MICAL2: variants seen among roughly 807,000 people sequenced by gnomAD.
MICAL2 encodes the protein microtubule associated monooxygenase, calponin and LIM domain containing 2, also known as [F-actin]-monooxygenase MICAL2.
Under a neutral mutation model 127.3 loss-of-function variants are expected in MICAL2, and 77 were observed. The ratio of observed to expected loss-of-function variants is 0.60; its 90% CI spans 0.50 to 0.73. The LOEUF (loss-of-function observed/expected upper bound fraction) is 0.73. MICAL2 is among the 30% of genes least tolerant of loss of function. MICAL2 has a pLI of 0.00. For synonymous variants in MICAL2, 570 were observed against 551.1 expected (o/e 1.03, Z -0.48); for missense variants, 1,351 against 1,434.4 (o/e 0.94, Z 0.94).
At chr11:12,334,938 C>A (rs1476590775) in intron 32 of MICAL2, among the ~76,000 whole-genome samples, 1 of 152,084 alleles carries the variant, frequency 6.6e-6, no homozygotes, top group African/African-American at 2.4e-5. Context: ...TTTATAGCAG[C>A]ATGACTTATA....
intron 34 of MICAL2, chr11:12,354,888 TC>T (rs755118515): frequency 1.3e-6 from 2 of 1,598,414 alleles, no homozygotes; most frequent in East Asian, 2.2e-5. Context: ...GTTGAGAACT[TC>T]CCCCTAGAAA....
At chr11:12,194,166 G>T (rs781318021) in intron 3 of MICAL2, among the ~76,000 whole-genome samples, 1 of 152,150 alleles carries the variant, frequency 6.6e-6, no homozygotes, top group South Asian at 2.1e-4. Flanking sequence ...GAGTTCTCTG[G>T]GCTAGGAAAG....
chr11:12,273,438 C>A (rs1565289961), upstream of MICAL2, among the ~76,000 whole-genome samples: 2 of 152,122 alleles, frequency 1.3e-5, no homozygotes, highest in African/African-American at 4.8e-5. Context: ...TGCCTTCCAT[C>A]CCCAGTTACA....
chr11:12,314,967 T>C lies in MICAL2; in HGVS notation c.5213-4729T>C, dbSNP rs78334580. The stretch of plus-strand genomic sequence containing the variant: ...TTCTTCATCTTTTTCTGCATCACAA[T>C]ACTTTCATCTTAGATTGGTTTTCTT... On this transcript the variant is annotated intron_variant, in intron 29 of 34. Coordinates refer to the MICAL2 transcript ENST00000646065. 3.9e-3 allele frequency among the ~76,000 whole-genome samples: 598 copies of C among 152,282 alleles called. 3 individuals are homozygous for C. The highest frequency in any genetic ancestry group is 0.013 in the African/African-American group (541 of 41,548).
chr11:12,230,638 G>T (rs563322649), intron 15 of MICAL2, among the ~76,000 whole-genome samples: 2 of 152,264 alleles, frequency 1.3e-5, no homozygotes, highest in South Asian at 4.1e-4. Context: ...ATCTGAAGAG[G>T]ATCTGCTGGT....
rs1282744182 is a variant in MICAL2 at position 12,123,915 on chromosome 11, A to G, written c.-149+13189A>G. ...ATTGTATTTATGGTATGAGGACAGCAGAAGAAGGGAGCTATCACCTCCAGT... is the reference window on the plus strand; with the variant it reads ...ATTGTATTTATGGTATGAGGACAGCGGAAGAAGGGAGCTATCACCTCCAGT... On this transcript the variant is annotated intron_variant, in intron 1 of 27. Transcript: ENST00000683283. Among the ~76,000 whole-genome samples, 3 of 152,220 alleles carry G rather than the reference A, an allele frequency of 2.0e-5. 1 individual carries two copies. Among genetic ancestry groups the G allele is most frequent in the Non-Finnish European group, 4.4e-5 (3 of 68,038 alleles).
chr11:12,200,304 G>C (rs1239309825), intron 3 of MICAL2, among the ~76,000 whole-genome samples: 1 of 152,162 alleles, frequency 6.6e-6, no homozygotes, highest in African/African-American at 2.4e-5. Flanking sequence ...TTCCTTCCTT[G>C]GACATAAGGC....
chr11:12,136,685 A>G (rs558876672), intron 1 of MICAL2, among the ~76,000 whole-genome samples: 1 of 152,164 alleles, frequency 6.6e-6, no homozygotes, highest in South Asian at 2.1e-4. Context: ...TTGGTGTTAC[A>G]GGGAGCTCAA....
At chr11:12,158,502 GAA>G (rs5789716) in intron 2 of MICAL2, among the ~76,000 whole-genome samples, 22,310 of 148,544 alleles carry the variant, frequency 0.15, 3,213 homozygotes, top group African/African-American at 0.38. Flanking sequence ...AAATATTCAG[GAA>G]AAAAAAAAAA....
chr11:12,211,709 A>G (rs1489966226), intron 6 of MICAL2, among the ~76,000 whole-genome samples: 2 of 152,170 alleles, frequency 1.3e-5, no homozygotes, highest in African/African-American at 4.8e-5. Flanking sequence ...GGAAAGTACC[A>G]AGTTCAAGAG....
Position 12,208,037 on chromosome 11 carries a change from C to G in MICAL2, c.487C>G (p.Gln163Glu). 1 of 1,614,114 alleles carries G rather than the reference C, an allele frequency of 6.2e-7. No homozygotes were observed. The highest frequency in any genetic ancestry group is 2.2e-5 in the East Asian group (1 of 44,884). ...SIDHISIRQL[Q>E]LILFKVALML... ...CTGCCTGACAGGTATTCGCCAACTA[C>G]AGCTCATCCTATTCAAGGTGGCCCT... is the stretch of plus-strand genomic sequence containing the variant. Residue 163 changes from glutamine (Q) to glutamate (E), a missense_variant, in exon 5 of 28, where the codon CAG becomes GAG. Transcript: ENST00000683283.
intron 27 of MICAL2, chr11:12,263,217 G>A (rs1230530106): frequency 6.6e-6 from 1 of 152,190 alleles, no homozygotes; most frequent in Non-Finnish European, 1.5e-5. Context: ...GCTTCAATTA[G>A]AGCCATCATC....
chr11:12,217,800 C>A (rs1002630807), intron 8 of MICAL2, among the ~76,000 whole-genome samples: 4 of 152,120 alleles, frequency 2.6e-5, no homozygotes, highest in African/African-American at 9.7e-5. Context: ...CCTTCAGAGG[C>A]CCCTGGGAGC....
At chr11:12,355,515 T>C (rs1419437444) in intron 34 of MICAL2, among the ~76,000 whole-genome samples, 2 of 152,236 alleles carry the variant, frequency 1.3e-5, no homozygotes, top group Non-Finnish European at 2.9e-5. Context: ...GCCAGATCGA[T>C]GCATGACCTT....
intron 22 of MICAL2, among the ~76,000 whole-genome samples, 188 bp downstream of exon 22, chr11:12,249,434 C>T (rs1463354152): frequency 6.6e-6 from 1 of 152,242 alleles, no homozygotes; most frequent in Non-Finnish European, 1.5e-5. Context: ...GCCTGCGTCT[C>T]AGCTCTGAAC....
At chr11:12,138,810 T>A (rs1852073289) in intron 2 of MICAL2, among the ~76,000 whole-genome samples, 1 of 152,090 alleles carries the variant, frequency 6.6e-6, no homozygotes, top group African/African-American at 2.4e-5. Flanking sequence ...GTTTGTGGAC[T>A]CAAGGAGTCT....
intron 3 of MICAL2, among the ~76,000 whole-genome samples, chr11:12,199,806 T>C (rs1043390596): frequency 3.9e-5 from 6 of 152,164 alleles, no homozygotes; most frequent in Non-Finnish European, 8.8e-5. Flanking sequence ...TGTGCTAACG[T>C]GGAGGCCTGA....
chr11:12,342,360 C>T (rs781459690), intron 32 of MICAL2, among the ~76,000 whole-genome samples: 6 of 152,168 alleles, frequency 3.9e-5, no homozygotes, highest in African/African-American at 1.4e-4. Context: ...CCAAGAAGTG[C>T]GGATGATCTA....
chr11:12,186,833 C>T (rs1858359282), intron 3 of MICAL2, among the ~76,000 whole-genome samples: 2 of 152,296 alleles, frequency 1.3e-5, no homozygotes, highest in Admixed American at 6.5e-5. Context: ...CAGATGCTGC[C>T]AGCTCAGAGG....
Sources: gnomAD v4.1 joint callset for allele counts (sites outside exome capture counted in the v4.1 genomes callset) on GRCh38, gnomAD v4.1.1 for gene constraint, MANE v1.5 for transcripts, NCBI Gene and HGNC (gene_info 2026-07-23, HGNC 2026-07-21) for gene names.